Variants in OR2AG2 observed in about 807,000 individuals in gnomAD.
The protein encoded by OR2AG2 is olfactory receptor 2AG2.
For synonymous variants in OR2AG2, 167 were observed against 157.1 expected (o/e 1.06, Z -0.47); for missense variants, 390 against 391.9 (o/e 1.00, Z 0.04).
chr11:6,768,566 T>C lies in OR2AG2; in HGVS notation c.392A>G (p.Lys131Arg). Residue 131 changes from lysine (K) to arginine (R), a missense_variant, in exon 2 of 2, where the codon AAA becomes AGA. Transcript: ENST00000641124. ...TCTTGGGCTCATGAGGGTCATGTAT[T>C]TCAGAGGATGACAAATGGCCACATA... ...DRYVAICHPL[K>R]YMTLMSPRVC... 1 of 1,614,146 alleles carries C rather than the reference T, an allele frequency of 6.2e-7. No individual in the cohort carries two copies. Among genetic ancestry groups the C allele is most frequent in the Non-Finnish European group, 8.5e-7 (1 of 1,180,012 alleles).
Position 6,768,079 on chromosome 11 carries a change from C to T in OR2AG2, c.879G>A (p.Arg293=). Residue 293 remains arginine, a synonymous_variant, in exon 2 of 2, where the codon AGG becomes AGA. Transcript: ENST00000641124. ...TCAAGGCCCGCATGACCTCCTTATTCCTCAGGCTGTAGATGAGTGGATTCA... is the reference window on the plus strand; with the variant it reads ...TCAAGGCCCGCATGACCTCCTTATTTCTCAGGCTGTAGATGAGTGGATTCA... ...PALNPLIYSL[R]NKEVMRALRR... The T allele has an allele frequency of 6.2e-7, 1 of 1,614,088 alleles. No homozygotes were observed. The highest frequency in any genetic ancestry group is 1.7e-5 in the Admixed American group (1 of 60,012).
Position 6,768,900 on chromosome 11 carries a change from C to T in OR2AG2, c.58G>A (p.Asp20Asn). The T allele has an allele frequency of 6.2e-7, 1 of 1,613,532 alleles. No individual in the cohort carries two copies. Among genetic ancestry groups the T allele is most frequent in the East Asian group, 2.2e-5 (1 of 44,866 alleles). Residue 20 changes from aspartate to asparagine, a missense_variant, in exon 2 of 2, where the codon GAC (aspartate) becomes AAC (asparagine). Asp to Asn is a conservative substitution (Grantham distance 23). Coordinates refer to ENST00000641124, the MANE Select transcript of OR2AG2 (RefSeq NM_001004490.2). ...SGFILVGILN[D>N]SGSPELLYAT... ...TAGAGCAGTTCAGGAGACCCACTGT[C>T]ATTCAGAATCCCCACCAAGATGAAG...
rs1847390843 is a variant in OR2AG2, at chr11:6,767,725, G to A, written c.*282C>T. ...GTGTCAGGACGATGCCTACCACAGAGTGAGTCTACAACACCCATTCAAGGC... is the reference window on the plus strand; with the variant it reads ...GTGTCAGGACGATGCCTACCACAGAATGAGTCTACAACACCCATTCAAGGC... On this transcript the variant is annotated 3_prime_UTR_variant, in exon 2 of 2. Transcript: ENST00000641124. 2.5e-6 allele frequency: 1 copy of A among 401,744 alleles called. No homozygotes were observed. Among genetic ancestry groups the A allele is most frequent in the Admixed American group, 4.1e-5 (1 of 24,424 alleles). 24.9% of individuals were successfully genotyped at this position (401,744 alleles called of 1,614,324 possible). A position where few individuals can be genotyped will look rare whatever the true frequency, so the allele number is the denominator to read the frequency against.
At chr11:6,770,041 C>G (rs1167933729) in intron 1 of OR2AG2, among the ~76,000 whole-genome samples, 1 of 152,142 alleles carries the variant, frequency 6.6e-6, no homozygotes, top group Non-Finnish European at 1.5e-5. Context: ...ACCTACTTCT[C>G]CAACTATCCA....
At position 6,769,028 on chromosome 11, in the gene OR2AG2, G is replaced by T. The variant is rs560047072; in HGVS notation, c.-71C>A. On this transcript the variant is annotated 5_prime_UTR_variant, in exon 2 of 2. Coordinates refer to ENST00000641124, the MANE Select transcript of OR2AG2 (RefSeq NM_001004490.2). ...AGCTTTTCTAAAGGTGTTCACTCTA[G>T]CTTTGGATTGTTCTAGGTCACTGTG... 2.7e-6 allele frequency: 3 copies of T among 1,110,078 alleles called. No homozygotes were observed. The highest frequency in any genetic ancestry group is 1.6e-5 in the African/African-American group (1 of 64,434). The allele number at this position is 1,110,078 out of a possible 1,614,324, so 68.8% of individuals were successfully genotyped here.
chr11:6,769,922 C>T (rs1847431857), intron 1 of OR2AG2, among the ~76,000 whole-genome samples: 1 of 152,118 alleles, frequency 6.6e-6, no homozygotes, highest in Non-Finnish European at 1.5e-5. Context: ...ACTTGGCTCG[C>T]TTTTTGTGAA....
At position 6,768,034 on chromosome 11, in the gene OR2AG2, G is replaced by A. The variant is rs1342069596; in HGVS notation, c.924C>T (p.Tyr308=). Residue 308 remains tyrosine (Y), a synonymous_variant, in exon 2 of 2, where the codon TAC becomes TAT. Transcript: ENST00000641124. The part of the protein sequence containing the change: ...MRALRRVLGK[Y]ILLAHSTL ...AGAGCGTGGAATGTGCCAGCAGTAT[G>A]TATTTTCCCAGGACCCTCCTCAAGG... 1 of 1,613,654 alleles carries A rather than the reference G, an allele frequency of 6.2e-7. No individual in the cohort carries two copies. Among genetic ancestry groups the A allele is most frequent in the Non-Finnish European group, 8.5e-7 (1 of 1,179,736 alleles).
rs370072075 is a variant in OR2AG2 at position 6,768,172 on chromosome 11, G to A, written c.786C>T (p.Pro262=). 6.2e-7 allele frequency: 1 copy of A among 1,614,046 alleles called. No individual in the cohort carries two copies. The highest frequency in any genetic ancestry group is 1.3e-5 in the African/African-American group (1 of 74,922). ...YGAATFMYVL[P]SSFHSPKQDN... ...CTTGTTTGGGGCTGTGGAAGGAACT[G>A]GGCAAGACATACATGAATGTGGCAG... Residue 262 remains proline (P), a synonymous_variant, in exon 2 of 2, where the codon CCC becomes CCT. Transcript: ENST00000641124.
chr11:6,768,485 C>A lies in OR2AG2; in HGVS notation c.473G>T (p.Gly158Val). The change falls in exon 2 of 2, where the codon GGA becomes GTA. Residue 158 changes from glycine to valine, a missense_variant. Coordinates refer to ENST00000641124, the MANE Select transcript of OR2AG2 (RefSeq NM_001004490.2). ...GAGGTGCATAGTGTACATGGTATGT[C>A]CTATAGCAATCAGGGATGCCAGGAT... is the stretch of plus-strand genomic sequence containing the variant. ...SWILASLIAI[G>V]HTMYTMHLPF... 1 of 1,614,036 alleles carries A rather than the reference C, an allele frequency of 6.2e-7. No individual in the cohort carries two copies. The highest frequency in any genetic ancestry group is 1.1e-5 in the South Asian group (1 of 91,072).
intron 1 of OR2AG2, among the ~76,000 whole-genome samples, chr11:6,769,907 C>G (rs983584532): frequency 1.3e-5 from 2 of 152,064 alleles, no homozygotes; most frequent in Non-Finnish European, 2.9e-5. Flanking sequence ...TGTGGGACAG[C>G]GTTCACTTGG....
In OR2AG2 at chr11:6,768,009, A is replaced by G. The variant is rs1358917039; in HGVS notation, c.949T>C (p.Ter317GlnextTer38). The G allele has an allele frequency of 1.2e-6, 2 of 1,607,858 alleles. No homozygotes were observed. The highest frequency in any genetic ancestry group is 2.7e-5 in the African/African-American group (2 of 74,884). The change falls in exon 2 of 2, where the codon TAG becomes CAG. Residue 317 changes from the stop codon to glutamine (Q), a stop_lost. Transcript: ENST00000641124. ...GAGAGGCAAGCCATGATCCTTCCCT[A>G]GAGCGTGGAATGTGCCAGCAGTATG... ...KYILLAHSTL* is the reference protein window; with the variant it reads ...KYILLAHSTLQ
rs142201418 is a variant in OR2AG2, at chr11:6,771,738, G to A, written c.-654C>T. On this transcript the variant is annotated 5_prime_UTR_variant, in exon 1 of 2. Transcript: ENST00000641124. The stretch of plus-strand genomic sequence containing the variant: ...GTGTGTATGGCTGTCTCTAGGATCA[G>A]AGATCAAAGGCTCCTCCAGTCACTG... The A allele has an allele frequency of 6.6e-6, 1 of 152,358 alleles. No individual in the cohort carries two copies. Among genetic ancestry groups the A allele is most frequent in the African/African-American group, 2.4e-5 (1 of 41,572 alleles). 9.4% of individuals were successfully genotyped at this position (152,358 alleles called of 1,614,324 possible).
rs1847372373 is a variant in OR2AG2, at chr11:6,766,205, A to G, written c.*1802T>C. ...AACATCAGCAGACTAAGGTACAAAG[A>G]GTTTAATTTAGCGTTCAAAGATGCA... is the stretch of plus-strand genomic sequence containing the variant. On this transcript the variant is annotated 3_prime_UTR_variant, in exon 2 of 2. Coordinates refer to ENST00000641124, the MANE Select transcript of OR2AG2 (RefSeq NM_001004490.2). The G allele has an allele frequency of 6.6e-6, 1 of 152,160 alleles. No homozygotes were observed. Among genetic ancestry groups the G allele is most frequent in the Admixed American group, 6.5e-5 (1 of 15,280 alleles). The allele number at this position is 152,160 out of a possible 1,614,324, so 9.4% of individuals were successfully genotyped here.
Position 6,768,541 on chromosome 11 carries a change from T to C in OR2AG2, c.417A>G (p.Arg139=). Residue 139 remains arginine (R), a synonymous_variant, in exon 2 of 2, where the codon AGA becomes AGG. Coordinates refer to ENST00000641124, the MANE Select transcript of OR2AG2 (RefSeq NM_001004490.2). ...PLKYMTLMSP[R]VCWIMVATSW... ...ATGTGGCCACCATGATCCAGCAGAC[T>C]CTTGGGCTCATGAGGGTCATGTATT... The C allele has an allele frequency of 6.2e-7, 1 of 1,614,100 alleles. No homozygotes were observed. Among genetic ancestry groups the C allele is most frequent in the Non-Finnish European group, 8.5e-7 (1 of 1,180,004 alleles).
At position 6,768,631 on chromosome 11, in the gene OR2AG2, G is replaced by A. The variant is rs145583606; in HGVS notation, c.327C>T (p.Ser109=). 861 of 1,614,096 alleles carry A rather than the reference G, an allele frequency of 5.3e-4. 10 individuals carry two copies. In the East Asian group the frequency reaches 0.017, roughly 33 times the overall value. The change falls in exon 2 of 2, where the codon AGC becomes AGT. Residue 109 remains serine, a synonymous_variant. Coordinates refer to ENST00000641124, the MANE Select transcript of OR2AG2 (RefSeq NM_001004490.2). ...TGAAGGCCAGTAGGAGGTCCTCAGC[G>A]CTACCCATTGTCAGTGCCAGGAACA... ...LQMFLALTMG[S]AEDLLLAFMA...
At chr11:6,771,318 C>A (rs1017403579) in intron 1 of OR2AG2, among the ~76,000 whole-genome samples, 4 of 152,312 alleles carry the variant, frequency 2.6e-5, no homozygotes, top group African/African-American at 7.2e-5. Context: ...GGACTCACAT[C>A]AAACTACTGG....
intron 1 of OR2AG2, among the ~76,000 whole-genome samples, chr11:6,770,170 A>C (rs1274574337): frequency 6.6e-6 from 1 of 152,166 alleles, no homozygotes; most frequent in East Asian, 1.9e-4. Context: ...ATAAATATTT[A>C]CTAAGGACCT....
At position 6,766,749 on chromosome 11, in the gene OR2AG2, A is replaced by T. The variant is rs1347993275; in HGVS notation, c.*1258T>A. 4 of 152,210 alleles carry T rather than the reference A, an allele frequency of 2.6e-5. No individual in the cohort carries two copies. Among genetic ancestry groups the T allele is most frequent in the African/African-American group, 9.6e-5 (4 of 41,464 alleles). The allele number at this position is 152,210 out of a possible 1,614,324, so 9.4% of individuals were successfully genotyped here. ...GCTTATTTAGGCTAGCTAGAAAGCA[A>T]ATTATAAATTTTATACTTCCTTTTC... On this transcript the variant is annotated 3_prime_UTR_variant, in exon 2 of 2. Coordinates refer to ENST00000641124, the MANE Select transcript of OR2AG2 (RefSeq NM_001004490.2).
rs1490157929 is a variant in OR2AG2, at chr11:6,766,409, A to G, written c.*1598T>C. The G allele has an allele frequency of 6.6e-6, 1 of 152,228 alleles. No individual in the cohort carries two copies. Among genetic ancestry groups the G allele is most frequent in the Non-Finnish European group, 1.5e-5 (1 of 68,028 alleles). 9.4% of individuals were successfully genotyped at this position (152,228 alleles called of 1,614,324 possible). On this transcript the variant is annotated 3_prime_UTR_variant, in exon 2 of 2. Transcript: ENST00000641124. ...CAGTAAAATGCATATATGTGCAACA[A>G]AAAAGAAAAATTTATAAGTGATTTT...
Sources: allele counts gnomAD v4.1 joint callset (sites outside exome capture counted in the v4.1 genomes callset), GRCh38; gene constraint gnomAD v4.1.1; transcripts MANE v1.5; gene names NCBI Gene and HGNC (gene_info 2026-07-23, HGNC 2026-07-21).